NECTIN2: variants seen among roughly 807,000 people sequenced by gnomAD.
NECTIN2 encodes the protein nectin cell adhesion molecule 2.
In NECTIN2, 23 loss-of-function variants were observed where a neutral mutation model predicts 56.9. The ratio of observed to expected loss-of-function variants is 0.40; its 90% CI spans 0.29 to 0.57. The LOEUF is 0.57. Ranked by LOEUF, NECTIN2 falls within the 20% of genes least tolerant of loss-of-function variation. The pLI is 0.38. For synonymous variants in NECTIN2, 302 were observed against 313.8 expected, an observed-to-expected ratio of 0.96 and a Z score of 0.40; for missense variants, 587 against 718.3, an observed-to-expected ratio of 0.82 and a Z score of 2.09.
At chr19:44,878,005 C>G (rs974165955) in intron 5 of NECTIN2, among the ~76,000 whole-genome samples, 1 of 152,054 alleles carries the variant, frequency 6.6e-6, no homozygotes, top group African/African-American at 2.4e-5. Flanking sequence ...AAGTGGTGCT[C>G]AGGCTGTAGC....
chr19:44,846,941 C>T (rs2122615773), intron 1 of NECTIN2, among the ~76,000 whole-genome samples: 1 of 152,156 alleles, frequency 6.6e-6, no homozygotes, highest in South Asian at 2.1e-4. Flanking sequence ...CCTGGTGCCC[C>T]CTCCCCACCC....
rs934724419 is a variant in NECTIN2 at position 44,865,352 on chromosome 19, T to G, written c.170T>G (p.Leu57Arg). The G allele has an allele frequency of 5.6e-6, 9 of 1,614,072 alleles. No homozygotes were observed. The highest frequency in any genetic ancestry group is 1.3e-5 in the African/African-American group (1 of 74,938). ...GGTVELPCHLLPPVPGLYISL... is the reference protein window; with the variant it reads ...GGTVELPCHLRPPVPGLYISL... ...ACCGTGGAGCTGCCGTGCCACCTGC[T>G]GCCACCTGTTCCTGGACTGTACATC... Residue 57 changes from leucine (L) to arginine (R), a missense_variant, in exon 2 of 9, where the codon CTG (leucine) becomes CGG (arginine). Leu to Arg is a moderately radical substitution (Grantham distance 102). Transcript: ENST00000252483. The surrounding 1 kb of genome is among the most constrained non-coding windows in gnomAD (Gnocchi z 5.2).
intron 1 of NECTIN2, among the ~76,000 whole-genome samples, chr19:44,855,852 G>A (rs1261294879): frequency 6.6e-6 from 1 of 152,084 alleles, no homozygotes; most frequent in African/African-American, 2.4e-5. Context: ...GGCTGGAGAG[G>A]GCAGACCCTC....
chr19:44,870,647 A>G (rs560813325), intron 2 of NECTIN2, among the ~76,000 whole-genome samples: 5 of 152,174 alleles, frequency 3.3e-5, no homozygotes, highest in African/African-American at 1.2e-4. Context: ...TTACAGGAAA[A>G]GGAACAGGGG....
rs183622687 is a variant in NECTIN2, at chr19:44,865,165, T to C, written c.89-106T>C. The C allele has an allele frequency of 5.6e-6, 7 of 1,242,564 alleles. No individual in the cohort carries two copies. Among genetic ancestry groups the C allele is most frequent in the East Asian group, 2.4e-5 (1 of 42,352 alleles). The allele number at this position is 1,242,564 out of a possible 1,614,324, so 77.0% of individuals were successfully genotyped here. A position where few individuals can be genotyped will look rare whatever the true frequency, so the allele number is the denominator to read the frequency against. The stretch of plus-strand genomic sequence containing the variant: ...ATGCTGCGAAGCTGCCTACGTTGCA[T>C]GCGGAGCCTGCATTTCCCGTGGGGC... On this transcript the variant is annotated intron_variant, in intron 1 of 8. Transcript: ENST00000252483. This position sits in a 1 kb window ranked among gnomAD's most constrained non-coding sequence, Gnocchi z 5.2.
In NECTIN2 at chr19:44,865,713, G is replaced by C; in HGVS notation, c.478+53G>C. 6.9e-7 allele frequency: 1 copy of C among 1,451,106 alleles called. No homozygotes were observed. The highest frequency in any genetic ancestry group is 9.1e-7 in the Non-Finnish European group (1 of 1,100,188). The allele number at this position is 1,451,106 out of a possible 1,614,324, so 89.9% of individuals were successfully genotyped here. A position where few individuals can be genotyped will look rare whatever the true frequency, so the allele number is the denominator to read the frequency against. On this transcript the variant is annotated intron_variant, in intron 2 of 8. Coordinates refer to ENST00000252483, the MANE Select transcript of NECTIN2 (RefSeq NM_001042724.2). This position sits in a 1 kb window ranked among gnomAD's most constrained non-coding sequence, Gnocchi z 5.2. ...GAGGTGGGAGGGCCGCGGTGTGGGA[G>C]CATCCCCTTGCGGGTCAGTTTCTCT...
intron 2 of NECTIN2, among the ~76,000 whole-genome samples, chr19:44,870,728 CCTTTTTTTTTTTT>C (rs1324720132): frequency 6.8e-6 from 1 of 147,982 alleles, no homozygotes; most frequent in Non-Finnish European, 1.5e-5. Flanking sequence ...TTTTTTTTTT[CCTTTTTTTTTTTT>C]TTCTTTTGGA....
In NECTIN2 at chr19:44,862,754, C is replaced by T. The variant is rs144738001; in HGVS notation, c.89-2517C>T. On this transcript the variant is annotated intron_variant, in intron 1 of 8. Transcript: ENST00000252483. ...TGGAGGCTGGGCACAGTGGCGCACA[C>T]CTATAATCCCAGCACTTTGGGAGGC... Among the ~76,000 whole-genome samples, 266 of 152,224 alleles carry T rather than the reference C, an allele frequency of 1.7e-3. 1 individual carries two copies. The highest frequency in any genetic ancestry group is 6.3e-3 in the African/African-American group (262 of 41,522).
chr19:44,858,032 T>G (rs1968987759), intron 1 of NECTIN2, among the ~76,000 whole-genome samples: 1 of 152,224 alleles, frequency 6.6e-6, no homozygotes, highest in Non-Finnish European at 1.5e-5. Flanking sequence ...GGAGGGCAGC[T>G]GTGCAGGAAC....
intron 8 of NECTIN2, among the ~76,000 whole-genome samples, chr19:44,887,814 A>G (rs1232968669): frequency 6.6e-6 from 1 of 152,146 alleles, no homozygotes; most frequent in Non-Finnish European, 1.5e-5. Context: ...TTAGAGCCCA[A>G]GGTTAAGTAT....
At chr19:44,853,104 C>T (rs1968920080) in intron 1 of NECTIN2, among the ~76,000 whole-genome samples, 1 of 148,162 alleles carries the variant, frequency 6.7e-6, no homozygotes, top group Non-Finnish European at 1.5e-5. Flanking sequence ...AGATCCTATC[C>T]CAGAAAAAAA....
At chr19:44,846,753 A>C (rs2122615354) in intron 1 of NECTIN2, 140 bp downstream of exon 1, 1 of 844,500 alleles carries the variant, frequency 1.2e-6, no homozygotes, top group African/African-American at 3.2e-5. Context: ...GGCTGGCCCC[A>C]CAGACTCCGA....
At chr19:44,878,736 C>T (rs1969273859) in intron 5 of NECTIN2, 4 of 1,467,284 alleles carry the variant, frequency 2.7e-6, no homozygotes, top group African/African-American at 1.4e-5. Flanking sequence ...TGGAGTGGAA[C>T]ACTGCCTCCC....
At chr19:44,886,764 G>A (rs1391286008) in intron 8 of NECTIN2, among the ~76,000 whole-genome samples, 1 of 151,844 alleles carries the variant, frequency 6.6e-6, no homozygotes, top group Non-Finnish European at 1.5e-5. Flanking sequence ...ACCTGGGCCG[G>A]GCATGGTGGC....
At position 44,874,498 on chromosome 19, in the gene NECTIN2, C is replaced by T. The variant is rs763375392; in HGVS notation, c.1042+20C>T. The stretch of plus-strand genomic sequence containing the variant: ...TCCGAGGTGAGTGGGTCTTGGGGGC[C>T]GTGTGTGGAGACCTGGGTCCGCTCC... On this transcript the variant is annotated intron_variant, in intron 5 of 8. Transcript: ENST00000252483. This position sits in a 1 kb window ranked among gnomAD's most constrained non-coding sequence, Gnocchi z 6.3. 1.8e-5 allele frequency: 29 copies of T among 1,611,080 alleles called. No homozygotes were observed. Among genetic ancestry groups the T allele is most frequent in the Admixed American group, 5.0e-5 (3 of 59,998 alleles).
chr19:44,852,541 A>C (rs1272948324), intron 1 of NECTIN2, among the ~76,000 whole-genome samples: 1 of 147,512 alleles, frequency 6.8e-6, no homozygotes, highest in Non-Finnish European at 1.5e-5. Context: ...AAAAAAAAAA[A>C]CAGAAAAGAC....
intron 5 of NECTIN2, among the ~76,000 whole-genome samples, chr19:44,876,491 A>G (rs768116618): frequency 2.0e-5 from 3 of 152,166 alleles, no homozygotes; most frequent in East Asian, 1.9e-4. Context: ...GTGCCTTCAG[A>G]TAATGCCTGC....
intron 2 of NECTIN2, among the ~76,000 whole-genome samples, chr19:44,866,890 G>A (rs539720552): frequency 1.3e-5 from 2 of 152,168 alleles, no homozygotes; most frequent in Admixed American, 1.3e-4. Flanking sequence ...AGTCCGGGTG[G>A]GGCCGGGTGC....
chr19:44,864,575 CT>C (rs1447984099), intron 1 of NECTIN2, among the ~76,000 whole-genome samples: 3 of 152,080 alleles, frequency 2.0e-5, no homozygotes, highest in Non-Finnish European at 4.4e-5. Context: ...AATCCCAGCA[CT>C]TTGGGAGGCT....
Sources: gnomAD v4.1 joint callset for allele counts (sites outside exome capture counted in the v4.1 genomes callset) on GRCh38, gnomAD v4.1.1 for gene constraint, Gnocchi (gnomAD v3.1) non-coding constraint, MANE v1.5 for transcripts, NCBI Gene and HGNC (gene_info 2026-07-23, HGNC 2026-07-21) for gene names.